The following ARVCF variants were observed in gnomAD, a reference collection of about 807,000 sequenced individuals.
ARVCF encodes ARVCF delta catenin family member.
ARVCF carries 66 observed loss-of-function variants against 90.9 expected under a neutral mutation model. The ratio of observed to expected loss-of-function variants is 0.73; its 90% CI spans 0.60 to 0.89. ARVCF has a LOEUF of 0.89. ARVCF is among the 40% of genes least tolerant of loss of function. ARVCF has a pLI of 0.00. For synonymous variants in ARVCF, 653 were observed against 603.4 expected (o/e 1.08, Z -1.21); for missense variants, 1,469 against 1,382.3 (o/e 1.06, Z -1.00).
intron 3 of ARVCF, among the ~76,000 whole-genome samples, chr22:19,982,934 G>A (rs1212869521): frequency 6.6e-6 from 1 of 152,248 alleles, no homozygotes; most frequent in African/African-American, 2.4e-5. Context: ...ACTCTGGACT[G>A]AGACTTTTCT....
rs149763920 is a variant in ARVCF, at chr22:19,981,966, G to A, written c.336C>T (p.Ser112=). 41 of 1,612,918 alleles carry A rather than the reference G, an allele frequency of 2.5e-5. No homozygotes were observed. Among genetic ancestry groups the A allele is most frequent in the Admixed American group, 3.3e-5 (2 of 59,982 alleles). Residue 112 remains serine (S), a synonymous_variant, in exon 4 of 20, where the codon TCC becomes TCT. Transcript: ENST00000263207. Reference sequence around the variant, plus strand: ...CGGTGCGCCGGGTTGTGCCATCTTCGGATGTGACAATAGACACATGGGAAG... The same window carrying A: ...CGGTGCGCCGGGTTGTGCCATCTTCAGATGTGACAATAGACACATGGGAAG... ...TPTSHVSIVT[S]EDGTTRRTET...
At chr22:19,998,278 C>T (rs143284995) in intron 2 of ARVCF, among the ~76,000 whole-genome samples, 88 of 152,344 alleles carry the variant, frequency 5.8e-4, no homozygotes, top group Non-Finnish European at 1.2e-3. Flanking sequence ...CCCCTTCTTC[C>T]CAGCCCCTCT....
intron 3 of ARVCF, among the ~76,000 whole-genome samples, chr22:19,985,162 C>A (rs558339361): frequency 1.3e-5 from 2 of 152,188 alleles, no homozygotes; most frequent in Non-Finnish European, 2.9e-5. Flanking sequence ...CCTGAACACC[C>A]CACCTCCAGC....
At chr22:19,966,994 G>A (rs751132837), downstream of ARVCF, 1 of 985,448 alleles carries the variant, frequency 1.0e-6, no homozygotes, top group Non-Finnish European at 1.2e-6. Context: ...TTCTCCAGGT[G>A]GTCTGAGTAG....
chr22:19,990,769 G>T lies in ARVCF; in HGVS notation c.26C>A (p.Ala9Asp). The T allele has an allele frequency of 6.3e-7, 1 of 1,577,522 alleles. No homozygotes were observed. The highest frequency in any genetic ancestry group is 1.2e-5 in the South Asian group (1 of 86,856). The change falls in exon 3 of 20, where the codon GCC becomes GAC. Residue 9 changes from alanine to aspartate, a missense_variant. Transcript: ENST00000263207. MEDCNVHS[A>D]ASILASVKEQ... ...CTTCACCGAGGCCAGGATGCTGGCG[G>T]CCGAGTGCACATTGCAGTCCTCCAT...
At chr22:19,987,099 C>T (rs1943818973) in intron 3 of ARVCF, 3 of 577,402 alleles carry the variant, frequency 5.2e-6, no homozygotes, top group Non-Finnish European at 9.5e-6. Flanking sequence ...GGCATCGGGC[C>T]GGGACTCGGG....
chr22:19,995,377 T>G lies in ARVCF; in HGVS notation c.-18-4565A>C, dbSNP rs535799617. 2.4e-3 allele frequency among the ~76,000 whole-genome samples: 332 copies of G among 139,952 alleles called. 2 individuals are homozygous for G. The highest frequency in any genetic ancestry group is 8.8e-3 in the African/African-American group (324 of 36,868). The allele number at this position is 139,952 out of a possible 152,430, so 91.8% of individuals were successfully genotyped here. A position where few individuals can be genotyped will look rare whatever the true frequency, so the allele number is the denominator to read the frequency against. ...GAAGGAGAAAACAGAGTGCGATGCA[T>G]GAATGGAAGGGGGGGTGGGCTGTGT... On this transcript the variant is annotated intron_variant, in intron 2 of 19. Transcript: ENST00000263207.
intron 6 of ARVCF, chr22:19,979,376 G>C (rs1008197354): frequency 1.4e-5 from 7 of 516,812 alleles, no homozygotes; most frequent in Non-Finnish European, 2.4e-5. Context: ...GCCTCACAGA[G>C]ACACGGTGAC....
chr22:19,981,398 G>T lies in ARVCF; in HGVS notation c.709C>A (p.Pro237Thr), dbSNP rs369256180. 2.1e-5 allele frequency: 34 copies of T among 1,589,562 alleles called. No individual in the cohort carries two copies. Among genetic ancestry groups the T allele is most frequent in the Admixed American group, 2.1e-4 (12 of 56,368 alleles). ...GGTGGCCCAGGCTCAGGACCCACCGGGAAGGCTTCCCGGTGGCCAGGCAGT... is the reference window on the plus strand; with the variant it reads ...GGTGGCCCAGGCTCAGGACCCACCGTGAAGGCTTCCCGGTGGCCAGGCAGT... ...FTLPGHREAF[P>T]VGPEPGPPGG... The change falls in exon 5 of 20, where the codon CCG (proline) becomes ACG (threonine). Residue 237 changes from proline to threonine, a missense_variant. Physicochemically the swap from Pro to Thr is conservative, Grantham distance 38 (BLOSUM62 -1). Transcript: ENST00000263207.
At chr22:19,979,342 C>T in intron 6 of ARVCF, 1 of 541,014 alleles carries the variant, frequency 1.8e-6, no homozygotes, top group South Asian at 2.4e-5. Flanking sequence ...TGGCAGGTGG[C>T]ACTAACACTC....
intron 2 of ARVCF, among the ~76,000 whole-genome samples, chr22:19,998,625 C>T (rs732596): frequency 0.35 from 52,459 of 151,996 alleles, 9,613 homozygotes; most frequent in Non-Finnish European, 0.42. Context: ...CCTGCTTTCC[C>T]CTCTGTTGTT....
chr22:19,973,499 A>T (rs926356074), intron 13 of ARVCF, 144 bp downstream of exon 13: 1 of 1,403,144 alleles, frequency 7.1e-7, no homozygotes. Context: ...GGGGGACTGG[A>T]GCTACCTCCA....
rs1433810184 is a variant in ARVCF, at chr22:19,988,491, T to C, written c.210+2094A>G. 3.9e-5 allele frequency among the ~76,000 whole-genome samples: 6 copies of C among 152,216 alleles called. No homozygotes were observed. In the East Asian group the frequency reaches 1.2e-3, roughly 29 times the overall value. ...CCTGATGGCACCCCTCCCCACTGGG[T>C]GGGCGTCAGCCCTGTTTCAGCTGGC... On this transcript the variant is annotated intron_variant, in intron 3 of 19. Transcript: ENST00000263207.
chr22:19,974,775 T>G (rs965026062), intron 11 of ARVCF, among the ~76,000 whole-genome samples: 1 of 151,464 alleles, frequency 6.6e-6, no homozygotes, highest in Non-Finnish European at 1.5e-5. Context: ...CCTCTGTAAG[T>G]CAACTGATGC....
intron 2 of ARVCF, among the ~76,000 whole-genome samples, chr22:20,001,500 A>G (rs1029922563): frequency 3.9e-5 from 6 of 152,214 alleles, no homozygotes; most frequent in African/African-American, 1.2e-4. Context: ...CTGGCCACAG[A>G]CCACAATGAA....
chr22:19,994,250 G>C (rs1322702002), intron 2 of ARVCF, among the ~76,000 whole-genome samples: 1 of 149,338 alleles, frequency 6.7e-6, no homozygotes, highest in Non-Finnish European at 1.5e-5. Flanking sequence ...GTGGGGAATG[G>C]ACAGATGGAT....
chr22:19,980,220 C>A lies in ARVCF; in HGVS notation c.919G>T (p.Asp307Tyr), dbSNP rs778438760. 1.3e-6 allele frequency: 2 copies of A among 1,540,142 alleles called. No homozygotes were observed. The highest frequency in any genetic ancestry group is 1.7e-6 in the Non-Finnish European group (2 of 1,144,098). Residue 307 changes from aspartate to tyrosine, a missense_variant, in exon 6 of 20, where the codon GAT becomes TAT. Physicochemically the swap from Asp to Tyr is radical, Grantham distance 160. Coordinates refer to ENST00000263207, the MANE Select transcript of ARVCF (RefSeq NM_001670.3). ...HTRAYEDTAD[D>Y]GGELADERPA... is the part of the protein sequence containing the mutation. ...CGCTCGTCCGCCAGCTCGCCGCCAT[C>A]ATCTGCTGTGTCCTCGTAGGCCCTG...
Position 19,980,036 on chromosome 22 carries a change from C to T in ARVCF, c.1103G>A (p.Arg368Gln), listed in dbSNP as rs1470855692. 8.2e-6 allele frequency: 13 copies of T among 1,587,742 alleles called. No individual in the cohort carries two copies. The highest frequency in any genetic ancestry group is 4.6e-5 in the East Asian group (2 of 43,634). Residue 368 changes from arginine to glutamine, a missense_variant, in exon 6 of 20, where the codon CGG becomes CAG. Coordinates refer to ENST00000263207, the MANE Select transcript of ARVCF (RefSeq NM_001670.3). Reference protein sequence around the residue: ...PELPEVLAMLRHPVDPVKANA... With the variant: ...PELPEVLAMLQHPVDPVKANA... The stretch of plus-strand genomic sequence containing the variant: ...GGCCTTCACGGGGTCCACGGGGTGC[C>T]GCAGCATGGCCAGCACCTCAGGCAG...
chr22:20,004,912 C>CAAACT (rs1260365267), intron 2 of ARVCF, among the ~76,000 whole-genome samples: 1 of 152,154 alleles, frequency 6.6e-6, no homozygotes, highest in Non-Finnish European at 1.5e-5. Flanking sequence ...AAGATCTAAA[C>CAAACT]ATAAGACCTC....
Sources: gnomAD v4.1 joint callset for allele counts (sites outside exome capture counted in the v4.1 genomes callset) on GRCh38, gnomAD v4.1.1 for gene constraint, MANE v1.5 for transcripts, NCBI Gene and HGNC (gene_info 2026-07-23, HGNC 2026-07-21) for gene names.